Variants in HMCN2 observed in about 807,000 individuals in gnomAD.
The protein encoded by HMCN2 is hemicentin-2.
Under a neutral mutation model 377.5 loss-of-function variants are expected in HMCN2, and 325 were observed. The observed-to-expected ratio is 0.86, with a 90% CI of 0.79 to 0.94. The LOEUF (loss-of-function observed/expected upper bound fraction) is 0.94, where lower values mean the gene tolerates loss of function less well. Among genes scored for constraint, HMCN2 ranks in the 40% least tolerant of loss-of-function variants. HMCN2 has a pLI of 0.00. For synonymous variants in HMCN2, 2,007 were observed against 2,046.8 expected (o/e 0.98, Z 0.53); for missense variants, 4,543 against 4,725.3 (o/e 0.96, Z 1.13).
At chr9:130,416,096 C>CTTTTTTTTTTTTTTTTTT (rs1554972499) in intron 85 of HMCN2, among the ~76,000 whole-genome samples, 1 of 91,902 alleles carries the variant, frequency 1.1e-5, no homozygotes, top group African/African-American at 4.4e-5. Context: ...GTTCTAGAGG[C>CTTTTTTTTTTTTTTTTTT]TTTATTTTTT....
Position 130,404,856 on chromosome 9 carries a change from C to T in HMCN2, c.12149-13C>T, listed in dbSNP as rs1223990949. 1.6e-6 allele frequency: 2 copies of T among 1,229,170 alleles called. No homozygotes were observed. Among genetic ancestry groups the T allele is most frequent in the African/African-American group, 1.6e-5 (1 of 64,086 alleles). 76.1% of individuals were successfully genotyped at this position (1,229,170 alleles called of 1,614,324 possible). On this transcript the variant is annotated splice_polypyrimidine_tract_variant and intron_variant, in intron 80 of 97. Coordinates refer to ENST00000683500, the MANE Select transcript of HMCN2 (RefSeq NM_001291815.2). ...TGAGCCCCGGTTCCGAGTGGGCCTC[C>T]CTCTGCCCGCAGTCCCACCAGTGAT...
At chr9:130,346,435 A>C (rs1434951433) in intron 25 of HMCN2, among the ~76,000 whole-genome samples, 4 of 150,530 alleles carry the variant, frequency 2.7e-5, no homozygotes, top group African/African-American at 9.8e-5. Context: ...TGTCCTAGAG[A>C]TCAAGGGGCT....
In HMCN2 at chr9:130,351,413, G is replaced by C. The variant is rs945729709; in HGVS notation, c.4431-10G>C. ...CCTTACTGGCGCTTTTCCCTTGCCCGTCTCTCCAGGCCTGTCCTTCCGGGA... is the reference window on the plus strand; with the variant it reads ...CCTTACTGGCGCTTTTCCCTTGCCCCTCTCTCCAGGCCTGTCCTTCCGGGA... On this transcript the variant is annotated splice_polypyrimidine_tract_variant and intron_variant, in intron 29 of 97. Coordinates refer to ENST00000683500, the MANE Select transcript of HMCN2 (RefSeq NM_001291815.2). This position sits in a 1 kb window ranked among gnomAD's most constrained non-coding sequence, Gnocchi z 5.4. The C allele has an allele frequency of 7.7e-7, 1 of 1,296,280 alleles. No individual in the cohort carries two copies. The highest frequency in any genetic ancestry group is 5.6e-5 in the East Asian group (1 of 17,762). The allele number at this position is 1,296,280 out of a possible 1,614,324, so 80.3% of individuals were successfully genotyped here.
chr9:130,368,905 A>G lies in HMCN2; in HGVS notation c.6787+468A>G, dbSNP rs72761272. On this transcript the variant is annotated intron_variant, in intron 44 of 97. Coordinates refer to ENST00000683500, the MANE Select transcript of HMCN2 (RefSeq NM_001291815.2). The stretch of plus-strand genomic sequence containing the variant: ...CCTCTCTCTGCACGTGGGGATTACA[A>G]TTCGAGATGAGATTTGGGTGGGGAC... Among the ~76,000 whole-genome samples the G allele has an allele frequency of 2.6e-3, 393 of 152,176 alleles. 1 individual carries two copies. Among genetic ancestry groups the G allele is most frequent in the Non-Finnish European group, 3.0e-3 (207 of 67,994 alleles).
At chr9:130,295,481 G>T (rs187921394) in intron 5 of HMCN2, among the ~76,000 whole-genome samples, 185 bp from the exon 6 acceptor site, 4 of 152,120 alleles carry the variant, frequency 2.6e-5, no homozygotes, top group South Asian at 4.2e-4. Flanking sequence ...CACACAGTCT[G>T]CCCCTGGGGA....
In HMCN2 at chr9:130,350,388, CA is replaced by C. The variant is rs1187309511; in HGVS notation, c.4430+741del. 1.2e-3 allele frequency among the ~76,000 whole-genome samples: 109 copies of C among 89,692 alleles called. 1 individual carries two copies. The highest frequency in any genetic ancestry group is 7.2e-3 in the Middle Eastern group (1 of 138). The allele number at this position is 89,692 out of a possible 152,430, so 58.8% of individuals were successfully genotyped here. On this transcript the variant is annotated intron_variant, in intron 29 of 97. Transcript: ENST00000683500. ...TCTCTGCTAAAAATACAAAAAAATA[CA>C]AAAAAAAAAAAAAAAGAAATAGCCA...
intron 89 of HMCN2, 42 bp from the exon 90 acceptor site, chr9:130,425,645 T>TCCCCCCCCCCCCCCCC: frequency 2.2e-5 from 15 of 683,068 alleles, no homozygotes; most frequent in South Asian, 5.0e-5. Flanking sequence ...TTTCTCCCTC[T>TCCCCCCCCCCCCCCCC]CCCCCACCCC....
At position 130,422,625 on chromosome 9, in the gene HMCN2, G is replaced by A. The variant is rs776171443; in HGVS notation, c.13280G>A (p.Arg4427Gln). Reference protein sequence around the residue: ...WGSMTGVINGRKFGVATLNTS... With the variant: ...WGSMTGVINGQKFGVATLNTS... ...AGCATGACTGGGGTGATAAATGGCC[G>A]GAAATTTGGCGTGGCCACACTCAAC... The change falls in exon 87 of 98, where the codon CGG becomes CAG. Residue 4427 changes from arginine (R) to glutamine (Q), a missense_variant. This residue lies in a region of HMCN2 where 1,155 missense variants were observed against 1,157.7 expected (regional missense o/e 1.00). Transcript: ENST00000683500. This position sits in a 1 kb window ranked among gnomAD's most constrained non-coding sequence, Gnocchi z 4.2. 4.8e-5 allele frequency: 64 copies of A among 1,327,566 alleles called. No homozygotes were observed. Among genetic ancestry groups the A allele is most frequent in the African/African-American group, 1.1e-4 (7 of 65,312 alleles). The allele number at this position is 1,327,566 out of a possible 1,614,324, so 82.2% of individuals were successfully genotyped here. A position where few individuals can be genotyped will look rare whatever the true frequency, so the allele number is the denominator to read the frequency against.
Position 130,384,371 on chromosome 9 carries a change from A to C in HMCN2, c.8831-2A>C. On this transcript the variant is annotated splice_acceptor_variant, in intron 57 of 97. Coordinates refer to ENST00000683500, the MANE Select transcript of HMCN2 (RefSeq NM_001291815.2). LOFTEE classifies it high-confidence loss of function. The stretch of plus-strand genomic sequence containing the variant: ...TCTCTACCGTGGTGGCTGTGGGGAT[A>C]GTCCCGCCACGAATCGCAGGCCTGG... 1 of 1,294,028 alleles carries C rather than the reference A, an allele frequency of 7.7e-7. No individual in the cohort carries two copies. Among genetic ancestry groups the C allele is most frequent in the Non-Finnish European group, 1.0e-6 (1 of 982,706 alleles). The allele number at this position is 1,294,028 out of a possible 1,614,324, so 80.2% of individuals were successfully genotyped here.
intron 75 of HMCN2, 146 bp from the exon 76 acceptor site, chr9:130,399,365 C>T (rs1003319954): frequency 2.0e-6 from 2 of 1,001,874 alleles, no homozygotes; most frequent in Non-Finnish European, 2.5e-6. Context: ...ACCTGTGGGG[C>T]AGAAACTTCT....
At chr9:130,391,903 G>A (rs1016259754) in intron 65 of HMCN2, 32 bp from the exon 66 acceptor site, 2 of 981,916 alleles carry the variant, frequency 2.0e-6, no homozygotes, top group Non-Finnish European at 2.4e-6. Context: ...CAAGACCTCC[G>A]CACTACCCCT....
At chr9:130,287,350 G>A (rs766591753) in intron 4 of HMCN2, among the ~76,000 whole-genome samples, 2 of 151,746 alleles carry the variant, frequency 1.3e-5, no homozygotes, top group Non-Finnish European at 2.9e-5. Context: ...TTGCTGGTGC[G>A]GCCCATTCTT....
intron 85 of HMCN2, among the ~76,000 whole-genome samples, chr9:130,412,163 G>T (rs1392745323): frequency 6.6e-5 from 10 of 152,130 alleles, no homozygotes; most frequent in Non-Finnish European, 1.3e-4. Flanking sequence ...GTAGAAACGG[G>T]GTTTCACCAT....
intron 37 of HMCN2, among the ~76,000 whole-genome samples, chr9:130,359,840 T>C (rs908636874): frequency 2.0e-5 from 3 of 152,092 alleles, no homozygotes; most frequent in Non-Finnish European, 4.4e-5. Context: ...CCTGCTCCCA[T>C]CTGAACTAGG....
intron 1 of HMCN2, among the ~76,000 whole-genome samples, chr9:130,283,158 A>G (rs1471081180): frequency 1.3e-5 from 2 of 152,082 alleles, no homozygotes; most frequent in Non-Finnish European, 2.9e-5. Flanking sequence ...ACGACCTTAC[A>G]CAATCCCCAC....
At chr9:130,402,628 G>A (rs1022990185) in intron 77 of HMCN2, among the ~76,000 whole-genome samples, 161 bp from the exon 78 acceptor site, 1 of 152,210 alleles carries the variant, frequency 6.6e-6, no homozygotes, top group South Asian at 2.1e-4. Context: ...GGCAAACCTA[G>A]ATGTCAGGTT....
Position 130,351,237 on chromosome 9 carries a change from C to T in HMCN2, c.4431-186C>T, listed in dbSNP as rs1032430481. 6.6e-6 allele frequency among the ~76,000 whole-genome samples: 1 copy of T among 152,180 alleles called. No individual in the cohort carries two copies. The highest frequency in any genetic ancestry group is 1.5e-5 in the Non-Finnish European group (1 of 68,046). On this transcript the variant is annotated intron_variant, in intron 29 of 97. Transcript: ENST00000683500. This position sits in a 1 kb window ranked among gnomAD's most constrained non-coding sequence, Gnocchi z 5.4. ...TCATTTTTGTGGCTGAATAATGTTC[C>T]GTGGCATGGACGGACCACACGTTGT...
At chr9:130,367,170 G>A (rs971763436) in intron 43 of HMCN2, among the ~76,000 whole-genome samples, 1 of 152,126 alleles carries the variant, frequency 6.6e-6, no homozygotes, top group Non-Finnish European at 1.5e-5. Context: ...TGCCATTACC[G>A]AGATGGGAGA....
intron 1 of HMCN2, among the ~76,000 whole-genome samples, chr9:130,267,759 A>C (rs1588145090): frequency 1.3e-5 from 2 of 152,348 alleles, no homozygotes; most frequent in East Asian, 3.9e-4. Flanking sequence ...CCAAGGCTCT[A>C]GACAAAGATT....
Sources: gnomAD v4.1 joint callset for allele counts (sites outside exome capture counted in the v4.1 genomes callset) on GRCh38, gnomAD v4.1.1 for gene constraint, gnomAD v4.1.1 regional missense constraint, Gnocchi (gnomAD v3.1) non-coding constraint, MANE v1.5 for transcripts, NCBI Gene and HGNC (gene_info 2026-07-23, HGNC 2026-07-21) for gene names.